Variants in CD109 observed in about 807,000 individuals in gnomAD.
CD109 encodes the protein CD109 antigen.
Under a neutral mutation model 165.8 loss-of-function variants are expected in CD109, and 149 were observed. That is an observed-to-expected ratio of 0.90 (90% CI 0.79 to 1.03). The LOEUF is 1.03. CD109 is among the 50% of genes least tolerant of loss of function. CD109 has a pLI of 0.00. For synonymous variants in CD109, 585 were observed against 592.1 expected, an observed-to-expected ratio of 0.99 and a Z score of 0.18; for missense variants, 1,712 against 1,677.8, an observed-to-expected ratio of 1.02 and a Z score of -0.36.
chr6:73,754,536 T>G (rs1582105832), intron 5 of CD109, among the ~76,000 whole-genome samples: 3 of 152,196 alleles, frequency 2.0e-5, no homozygotes, highest in East Asian at 1.9e-4. Flanking sequence ...TGTAAACTAC[T>G]TATGTGTTAA....
chr6:73,795,891 G>T (rs755657104), intron 23 of CD109, among the ~76,000 whole-genome samples: 3 of 152,092 alleles, frequency 2.0e-5, no homozygotes, highest in Non-Finnish European at 4.4e-5. Flanking sequence ...GAACCCACGT[G>T]GTAGGGTTGT....
intron 3 of CD109, 77 bp from the exon 4 acceptor site, chr6:73,730,267 T>A: frequency 1.1e-6 from 1 of 943,444 alleles, no homozygotes; most frequent in Non-Finnish European, 1.7e-6. Flanking sequence ...ATTTACTTTT[T>A]TTATTCTAAC....
At chr6:73,812,323 A>G in intron 29 of CD109, 53 bp downstream of exon 29, 1 of 1,203,322 alleles carries the variant, frequency 8.3e-7, no homozygotes, top group Non-Finnish European at 1.2e-6. Flanking sequence ...TATAATAATT[A>G]TTTGGTTTGG....
chr6:73,787,132 C>G, intron 20 of CD109, 102 bp from the exon 21 acceptor site: 2 of 703,866 alleles, frequency 2.8e-6, no homozygotes, highest in Non-Finnish European at 4.7e-6. Flanking sequence ...TTTCGCTAGT[C>G]TTGAGCCTCA....
chr6:73,756,527 T>C, intron 5 of CD109, 116 bp from the exon 6 acceptor site: 2 of 690,932 alleles, frequency 2.9e-6, no homozygotes, highest in South Asian at 3.9e-5. Flanking sequence ...CATTGCATCA[T>C]TATAAATGTA....
intron 18 of CD109, among the ~76,000 whole-genome samples, chr6:73,782,957 C>CTG (rs1215701088): frequency 6.7e-6 from 1 of 149,548 alleles, no homozygotes; most frequent in Non-Finnish European, 1.5e-5. Flanking sequence ...GCAGGAAGGT[C>CTG]TCATCAATGA....
chr6:73,718,325 C>T (rs1771819714), intron 2 of CD109, among the ~76,000 whole-genome samples: 1 of 152,026 alleles, frequency 6.6e-6, no homozygotes, highest in Non-Finnish European at 1.5e-5. Flanking sequence ...TTGTCGTCTT[C>T]CTGATCTTAG....
intron 10 of CD109, among the ~76,000 whole-genome samples, chr6:73,764,913 A>C (rs1342570812): frequency 6.6e-6 from 1 of 152,054 alleles, no homozygotes; most frequent in African/African-American, 2.4e-5. Context: ...TCTGATTTCA[A>C]TGATCTTAAT....
chr6:73,738,739 C>G (rs1338414499), intron 5 of CD109, among the ~76,000 whole-genome samples: 1 of 152,214 alleles, frequency 6.6e-6, no homozygotes, highest in Non-Finnish European at 1.5e-5. Flanking sequence ...AAGTGCCGCC[C>G]TTCCTCTTGA....
intron 24 of CD109, among the ~76,000 whole-genome samples, chr6:73,806,313 G>A (rs1004484343): frequency 6.6e-5 from 10 of 151,124 alleles, no homozygotes; most frequent in African/African-American, 2.4e-4. Flanking sequence ...ATTGAACAAT[G>A]AGAACACTTG....
intron 10 of CD109, among the ~76,000 whole-genome samples, chr6:73,764,630 C>A (rs1405067973): frequency 6.6e-6 from 1 of 151,796 alleles, no homozygotes; most frequent in Admixed American, 6.6e-5. Context: ...GCCTGACCAA[C>A]ATGGAGAAAC....
At chr6:73,777,051 C>T (rs1449613319) in intron 15 of CD109, among the ~76,000 whole-genome samples, 3 of 39,790 alleles carry the variant, frequency 7.5e-5, no homozygotes, top group South Asian at 8.4e-4. Context: ...CTCCACCTCC[C>T]GGGTTCAAGT....
intron 26 of CD109, 93 bp downstream of exon 26, chr6:73,808,341 T>C: frequency 8.0e-7 from 1 of 1,247,692 alleles, no homozygotes; most frequent in Non-Finnish European, 1.1e-6. Context: ...ATTGATTACA[T>C]CTGCATCTTT....
intron 2 of CD109, among the ~76,000 whole-genome samples, chr6:73,707,039 G>A (rs1330198190): frequency 6.6e-6 from 1 of 152,216 alleles, no homozygotes; most frequent in African/African-American, 2.4e-5. Flanking sequence ...ACCACATGAG[G>A]TTCCTGTGCC....
At chr6:73,695,447 C>G (rs1770781756), upstream of CD109, 1 of 152,180 alleles carries the variant, frequency 6.6e-6, no homozygotes, top group Admixed American at 6.5e-5. Flanking sequence ...CAAATTCTTT[C>G]TGTAGCAAAA....
chr6:73,761,319 T>G (rs568116070), intron 7 of CD109, among the ~76,000 whole-genome samples: 2 of 152,224 alleles, frequency 1.3e-5, no homozygotes, highest in South Asian at 4.1e-4. Flanking sequence ...CCAGTCCAGA[T>G]TTCTAGGAGT....
At chr6:73,686,311 C>G in the CD109 span, among the ~76,000 whole-genome samples, 2 of 152,284 alleles carry the variant, frequency 1.3e-5, no homozygotes, top group African/African-American at 4.8e-5. Context: ...GATGTCCTCT[C>G]TATTTTTCCT....
intron 2 of CD109, among the ~76,000 whole-genome samples, chr6:73,708,926 A>C (rs145983361): frequency 0.055 from 8,408 of 152,256 alleles, 255 homozygotes; most frequent in Middle Eastern, 0.11. Context: ...GTAGGTTGCA[A>C]AAATGTTCTC....
chr6:73,823,725 A>T lies in CD109; in HGVS notation c.*92A>T. On this transcript the variant is annotated 3_prime_UTR_variant, in exon 33 of 33. Transcript: ENST00000287097. ...GTAGAAGAATACTGCTTCTATTTTG[A>T]AAAAAGAGTTTTTTTTCTTTCTATG... 7.9e-7 allele frequency: 1 copy of T among 1,258,902 alleles called. No individual in the cohort carries two copies. The highest frequency in any genetic ancestry group is 1.5e-5 in the African/African-American group (1 of 66,772). 78.0% of individuals were successfully genotyped at this position (1,258,902 alleles called of 1,614,324 possible). A position where few individuals can be genotyped will look rare whatever the true frequency, so the allele number is the denominator to read the frequency against.
Sources: gnomAD v4.1 joint callset for allele counts (sites outside exome capture counted in the v4.1 genomes callset) on GRCh38, gnomAD v4.1.1 for gene constraint, MANE v1.5 for transcripts, NCBI Gene and HGNC (gene_info 2026-07-23, HGNC 2026-07-21) for gene names.